The following KMT2E variants were observed in gnomAD, a reference collection of about 807,000 sequenced individuals.
KMT2E encodes histone reader KMT2E.
In KMT2E, 30 loss-of-function variants were observed where a neutral mutation model predicts 184.6. That is an observed-to-expected ratio of 0.16 (90% CI 0.12 to 0.22). The LOEUF is 0.22. Ranked by LOEUF, KMT2E falls within the 10% of genes least tolerant of loss-of-function variation. The pLI is 1.00. For missense variants in KMT2E, 2,023 were observed against 2,237.4 expected (o/e 0.90, Z 1.93); for synonymous variants, 815 against 776.5 (o/e 1.05, Z -0.82).
chr7:105,109,173 A>G lies in KMT2E; in HGVS notation c.3700A>G (p.Asn1234Asp). 1 of 1,614,138 alleles carries G rather than the reference A, an allele frequency of 6.2e-7. No homozygotes were observed. Among genetic ancestry groups the G allele is most frequent in the Non-Finnish European group, 8.5e-7 (1 of 1,180,010 alleles). Reference protein sequence around the residue: ...YNATSEETSNNCPVKDATASE... With the variant: ...YNATSEETSNDCPVKDATASE... Reference sequence around the variant, plus strand: ...TGCCACTTCTGAAGAAACTAGCAATAACTGCCCTGTTAAGGATGCTACTGC... The same window carrying G: ...TGCCACTTCTGAAGAAACTAGCAATGACTGCCCTGTTAAGGATGCTACTGC... Residue 1234 changes from asparagine to aspartate, a missense_variant, in exon 23 of 27, where the codon AAC becomes GAC. This residue lies in a region of KMT2E where 1,108 missense variants were observed against 1,050.9 expected (regional missense o/e 1.05). Coordinates refer to ENST00000311117, the MANE Select transcript of KMT2E (RefSeq NM_182931.3).
chr7:105,046,281 A>G (rs1236572000), intron 3 of KMT2E, among the ~76,000 whole-genome samples: 1 of 152,200 alleles, frequency 6.6e-6, no homozygotes, highest in Non-Finnish European at 1.5e-5. Flanking sequence ...AAAACACATA[A>G]GTCATTTAAT....
Position 105,068,645 on chromosome 7 carries a change from T to G in KMT2E, c.497+1838T>G, listed in dbSNP as rs77650139. ...TGTGGTTTTTTTTTTTTTTGTTTTT[T>G]TTTTTTTTTTGTAGGCACAGGGTTT... On this transcript the variant is annotated intron_variant, in intron 6 of 26. Coordinates refer to ENST00000311117, the MANE Select transcript of KMT2E (RefSeq NM_182931.3). Among the ~76,000 whole-genome samples the G allele has an allele frequency of 2.3e-3, 331 of 146,840 alleles. 4 individuals are homozygous for G. Among genetic ancestry groups the G allele is most frequent in the Middle Eastern group, 6.9e-3 (2 of 288 alleles).
At chr7:105,107,960 G>T (rs1584806304) in intron 22 of KMT2E, 35 bp downstream of exon 22, 423 of 1,170,424 alleles carry the variant, frequency 3.6e-4, no homozygotes, top group East Asian at 1.4e-3. Context: ...CCTTTTAATA[G>T]TTTTTTTTTT....
intron 13 of KMT2E, among the ~76,000 whole-genome samples, chr7:105,085,938 T>G (rs1584777206): frequency 6.6e-6 from 1 of 152,140 alleles, no homozygotes; most frequent in South Asian, 2.1e-4. Context: ...TCCCAAAGTG[T>G]TGAGATTACA....
chr7:105,076,073 A>C lies in KMT2E; in HGVS notation c.760A>C (p.Arg254=), dbSNP rs772025085. ...TCGTGAAGGATCTAGGAAGTCATCA[A>C]GAGTTAAGGTAAATACATTAATTTT... ...AFREGSRKSS[R]VKGSAPEIDP... Residue 254 remains arginine, a synonymous_variant, in exon 9 of 27, where the codon AGA becomes CGA. Coordinates refer to ENST00000311117, the MANE Select transcript of KMT2E (RefSeq NM_182931.3). 2.5e-6 allele frequency: 4 copies of C among 1,598,138 alleles called. No homozygotes were observed. The highest frequency in any genetic ancestry group is 3.4e-6 in the Non-Finnish European group (4 of 1,166,046).
At chr7:105,110,707 G>A in intron 25 of KMT2E, 64 bp from the exon 26 acceptor site, 1 of 1,578,944 alleles carries the variant, frequency 6.3e-7, no homozygotes, top group South Asian at 1.1e-5. Flanking sequence ...ATGTTGCTTT[G>A]TGGTGTTAAA....
chr7:105,043,307 G>T (rs1271300912), intron 3 of KMT2E, among the ~76,000 whole-genome samples: 2 of 149,382 alleles, frequency 1.3e-5, no homozygotes, highest in Non-Finnish European at 3.0e-5. Flanking sequence ...CGGGATCTCG[G>T]CTCACTGCAA....
At chr7:105,084,906 G>A (rs1797900032) in intron 13 of KMT2E, among the ~76,000 whole-genome samples, 1 of 152,040 alleles carries the variant, frequency 6.6e-6, no homozygotes, top group Non-Finnish European at 1.5e-5. Flanking sequence ...AGTGTGAATG[G>A]CACCATGTAA....
intron 3 of KMT2E, among the ~76,000 whole-genome samples, chr7:105,046,606 T>TA (rs1272602327): frequency 2.0e-5 from 3 of 152,206 alleles, no homozygotes; most frequent in Non-Finnish European, 2.9e-5. Context: ...AAGATCTTTT[T>TA]AAAGGCTACT....
chr7:105,037,132 T>C (rs1795693623), intron 1 of KMT2E, among the ~76,000 whole-genome samples: 1 of 152,172 alleles, frequency 6.6e-6, no homozygotes, highest in Non-Finnish European at 1.5e-5. Flanking sequence ...ATTTACCTAG[T>C]CTCTTAGTGA....
chr7:105,086,639 C>G (rs1327240783), intron 13 of KMT2E, among the ~76,000 whole-genome samples: 1 of 151,682 alleles, frequency 6.6e-6, no homozygotes, highest in East Asian at 1.9e-4. Flanking sequence ...ACAGGAGAAT[C>G]ACTTGAACCT....
intron 6 of KMT2E, among the ~76,000 whole-genome samples, chr7:105,072,370 G>C (rs1273686211): frequency 6.6e-6 from 1 of 152,106 alleles, no homozygotes; most frequent in Non-Finnish European, 1.5e-5. Flanking sequence ...TAGGAGGGCA[G>C]TTAGTTGAGA....
chr7:105,055,692 A>C (rs1796548569), intron 3 of KMT2E, among the ~76,000 whole-genome samples: 1 of 152,178 alleles, frequency 6.6e-6, no homozygotes, highest in African/African-American at 2.4e-5. Context: ...TAAATGTGTC[A>C]TGTTGTTGTT....
chr7:105,043,402 A>G (rs866344791), intron 3 of KMT2E, among the ~76,000 whole-genome samples: 31 of 151,084 alleles, frequency 2.1e-4, no homozygotes, highest in African/African-American at 7.3e-4. Flanking sequence ...ACGCCCGGCT[A>G]ATTTTTTGTA....
chr7:105,041,142 AG>A, intron 3 of KMT2E, 119 bp downstream of exon 3: 31 of 580,102 alleles, frequency 5.3e-5, no homozygotes, highest in East Asian at 6.2e-5. Flanking sequence ...CATTTTTTAA[AG>A]TAAAAAAAAA....
intron 20 of KMT2E, 121 bp downstream of exon 20, chr7:105,106,893 A>C: frequency 9.8e-7 from 1 of 1,022,798 alleles, no homozygotes; most frequent in East Asian, 2.5e-5. Flanking sequence ...GGTTGTAAGA[A>C]ACTAAAAATC....
At chr7:105,085,017 A>C (rs1326689531) in intron 13 of KMT2E, among the ~76,000 whole-genome samples, 1 of 152,084 alleles carries the variant, frequency 6.6e-6, no homozygotes, top group East Asian at 1.9e-4. Flanking sequence ...ATCTACATGC[A>C]TATGCATTCT....
chr7:105,019,158 G>A (rs544320210), intron 1 of KMT2E, among the ~76,000 whole-genome samples: 2 of 152,234 alleles, frequency 1.3e-5, no homozygotes, highest in East Asian at 1.9e-4. Flanking sequence ...GTGACCCAGA[G>A]TAAGTTAATT....
At position 105,040,994 on chromosome 7, in the gene KMT2E, G is replaced by A. The variant is rs150090175; in HGVS notation, c.42G>A (p.Thr14=). 1.0e-4 allele frequency: 167 copies of A among 1,602,384 alleles called. 1 individual carries two copies. The African/African-American group carries it at 1.8e-3, about 17-fold the overall frequency. ...CATTGGGGGTTGATACAGCAGAGAC[G>A]TCATACTTGGAAATGGCTGCAGGTT... ...VIPLGVDTAE[T]SYLEMAAGSE... is the part of the protein sequence containing the mutation. Residue 14 remains threonine (T), a synonymous_variant, in exon 3 of 27, where the codon ACG becomes ACA. Coordinates refer to ENST00000311117, the MANE Select transcript of KMT2E (RefSeq NM_182931.3).
Sources: allele counts gnomAD v4.1 joint callset (sites outside exome capture counted in the v4.1 genomes callset), GRCh38; gene constraint gnomAD v4.1.1; regional missense constraint gnomAD v4.1.1; transcripts MANE v1.5; gene names NCBI Gene and HGNC (gene_info 2026-07-23, HGNC 2026-07-21).